ELK3: variants seen among roughly 807,000 people sequenced by gnomAD.
The protein encoded by ELK3 is ETS domain-containing protein Elk-3.
In ELK3, 10 loss-of-function variants were observed where a neutral mutation model predicts 28.9. The ratio of observed to expected loss-of-function variants is 0.35; its 90% CI spans 0.21 to 0.59. The LOEUF (loss-of-function observed/expected upper bound fraction) is 0.59. Ranked by LOEUF, ELK3 falls within the 20% of genes least tolerant of loss-of-function variation. ELK3 has a pLI of 0.82. For missense variants in ELK3, 463 were observed against 517.3 expected (o/e 0.90, Z 1.02); for synonymous variants, 272 against 243.5 (o/e 1.12, Z -1.09).
intron 1 of ELK3, among the ~76,000 whole-genome samples, chr12:96,199,145 A>C (rs1278450278): frequency 2.0e-5 from 3 of 152,204 alleles, no homozygotes; most frequent in African/African-American, 7.2e-5. Context: ...AGATGTAGTA[A>C]CAGGAAGTAC....
intron 4 of ELK3, among the ~76,000 whole-genome samples, chr12:96,265,285 C>T (rs1952021522): frequency 6.6e-6 from 1 of 152,112 alleles, no homozygotes; most frequent in South Asian, 2.1e-4. Context: ...ATAATAAGGG[C>T]AGAAATCAGT....
chr12:96,207,960 T>C (rs1951549638), intron 1 of ELK3, among the ~76,000 whole-genome samples: 2 of 152,240 alleles, frequency 1.3e-5, no homozygotes. Context: ...GTGTACCATT[T>C]AAAAGAGGGA....
At chr12:96,220,382 ATTTT>A (rs35309478) in intron 1 of ELK3, among the ~76,000 whole-genome samples, 2 of 100,320 alleles carry the variant, frequency 2.0e-5, no homozygotes. Flanking sequence ...CTTTTTCGTG[ATTTT>A]TTTTTTTTTT....
intron 1 of ELK3, among the ~76,000 whole-genome samples, chr12:96,209,445 GA>G (rs1439471464): frequency 6.6e-6 from 1 of 152,146 alleles, no homozygotes; most frequent in East Asian, 1.9e-4. Context: ...TCTGGATGTG[GA>G]AAAACCGCCA....
intron 3 of ELK3, among the ~76,000 whole-genome samples, chr12:96,250,774 T>C (rs765207426): frequency 2.6e-5 from 4 of 152,186 alleles, no homozygotes; most frequent in Non-Finnish European, 5.9e-5. Flanking sequence ...AAACATTTGA[T>C]AATCTGTGGG....
intron 2 of ELK3, among the ~76,000 whole-genome samples, chr12:96,228,589 A>AG (rs925749920): frequency 6.6e-6 from 1 of 152,156 alleles, no homozygotes; most frequent in Non-Finnish European, 1.5e-5. Context: ...AGATGACAAC[A>AG]GTTTCTTTCC....
chr12:96,227,394 G>T lies in ELK3; in HGVS notation c.207+3621G>T, dbSNP rs377634229. Among the ~76,000 whole-genome samples, 56 of 152,170 alleles carry T rather than the reference G, an allele frequency of 3.7e-4. 2 individuals are homozygous for T. In the South Asian group the frequency reaches 0.012, roughly 32 times the overall value. ...CATTTCTTCCCTCTTGGCTTCAACT[G>T]CACATCCCTGGGTTTGTCCTAATAG... On this transcript the variant is annotated intron_variant, in intron 2 of 4. Transcript: ENST00000228741.
At chr12:96,257,685 T>C (rs1421255558) in intron 3 of ELK3, among the ~76,000 whole-genome samples, 1 of 152,246 alleles carries the variant, frequency 6.6e-6, no homozygotes, top group African/African-American at 2.4e-5. Context: ...ATATTGAGGT[T>C]GGAACCTTGC....
chr12:96,244,188 G>GATA (rs1393769939), intron 2 of ELK3, among the ~76,000 whole-genome samples: 6 of 151,934 alleles, frequency 3.9e-5, no homozygotes, highest in African/African-American at 1.5e-4. Context: ...ACTACAGCTG[G>GATA]ATAATATTCC....
intron 3 of ELK3, among the ~76,000 whole-genome samples, chr12:96,249,853 G>A (rs921427846): frequency 2.0e-5 from 3 of 152,228 alleles, no homozygotes; most frequent in Admixed American, 6.5e-5. Context: ...CAGAGGGCAC[G>A]ACCAGGAGCC....
chr12:96,253,236 GACA>G (rs1951921333), intron 3 of ELK3, among the ~76,000 whole-genome samples: 1 of 152,146 alleles, frequency 6.6e-6, no homozygotes, highest in South Asian at 2.1e-4. Flanking sequence ...CTCCAGCCTG[GACA>G]ACAAGAGCGA....
intron 3 of ELK3, among the ~76,000 whole-genome samples, chr12:96,250,853 C>A (rs1264102519): frequency 6.6e-6 from 1 of 152,002 alleles, no homozygotes; most frequent in Non-Finnish European, 1.5e-5. Context: ...AACCCGATAC[C>A]CTGAAGGTAC....
intron 3 of ELK3, among the ~76,000 whole-genome samples, chr12:96,258,152 G>A (rs748750953): frequency 4.6e-5 from 7 of 152,202 alleles, no homozygotes; most frequent in Admixed American, 6.5e-5. Flanking sequence ...GGGAAGTAGT[G>A]GTTCTGAGAT....
chr12:96,219,389 G>A (rs1209640229), intron 1 of ELK3, among the ~76,000 whole-genome samples: 1 of 152,142 alleles, frequency 6.6e-6, no homozygotes. Context: ...TATTGGAAGG[G>A]CGTACCTCCC....
chr12:96,259,776 A>G lies in ELK3; in HGVS notation c.1048A>G (p.Ile350Val). The G allele has an allele frequency of 6.2e-7, 1 of 1,611,736 alleles. No homozygotes were observed. Among genetic ancestry groups the G allele is most frequent in the Non-Finnish European group, 8.5e-7 (1 of 1,179,328 alleles). Residue 350 changes from isoleucine to valine, a missense_variant, in exon 4 of 5, where the codon ATA (isoleucine) becomes GTA (valine). Ile to Val is a conservative substitution (Grantham distance 29). This residue lies in a region of ELK3 where 408 missense variants were observed against 414.8 expected (regional missense o/e 0.98). Transcript: ENST00000228741. ...GACTCCGAGTCCACTGCTCTCCAGC[A>G]TACATTTCTGGAGCAGCCTTAGTCC... is the stretch of plus-strand genomic sequence containing the variant. ...LLTPSPLLSS[I>V]HFWSSLSPVA...
At chr12:96,221,362 C>T (rs1476077320) in intron 1 of ELK3, among the ~76,000 whole-genome samples, 1 of 152,192 alleles carries the variant, frequency 6.6e-6, no homozygotes, top group Non-Finnish European at 1.5e-5. Context: ...CCTCCTGTCC[C>T]ATTCGGAACG....
At chr12:96,200,211 C>CCT (rs1479941064) in intron 1 of ELK3, among the ~76,000 whole-genome samples, 2 of 152,080 alleles carry the variant, frequency 1.3e-5, no homozygotes, top group Admixed American at 6.5e-5. Context: ...CCATTATCTT[C>CCT]CTTCTAGTTA....
intron 1 of ELK3, among the ~76,000 whole-genome samples, chr12:96,216,496 C>T (rs975258975): frequency 2.6e-5 from 4 of 152,172 alleles, no homozygotes; most frequent in African/African-American, 4.8e-5. Flanking sequence ...AAACCACAGT[C>T]GCCATGTGGC....
In ELK3 at chr12:96,223,369, G is replaced by A. The variant is rs113945606; in HGVS notation, c.-2-196G>A. Among the ~76,000 whole-genome samples the A allele has an allele frequency of 7.3e-4, 111 of 152,292 alleles. 1 individual carries two copies. Among genetic ancestry groups the A allele is most frequent in the African/African-American group, 2.6e-3 (108 of 41,560 alleles). On this transcript the variant is annotated intron_variant, in intron 1 of 4. Coordinates refer to ENST00000228741, the MANE Select transcript of ELK3 (RefSeq NM_005230.4). The stretch of plus-strand genomic sequence containing the variant: ...GGCCTCCCTGTATTTCTGAATTGTG[G>A]CTCCTTACAGAAATGCAGCCAGGAA...
Sources: gnomAD v4.1 joint callset for allele counts (sites outside exome capture counted in the v4.1 genomes callset) on GRCh38, gnomAD v4.1.1 for gene constraint, gnomAD v4.1.1 regional missense constraint, MANE v1.5 for transcripts, NCBI Gene and HGNC (gene_info 2026-07-23, HGNC 2026-07-21) for gene names.